The following RBPJ variants were observed in gnomAD, a reference collection of about 807,000 sequenced individuals.
RBPJ encodes recombination signal binding protein for immunoglobulin kappa J region.
RBPJ carries 9 observed loss-of-function variants against 67.8 expected under a neutral mutation model. The observed-to-expected ratio is 0.13, with a 90% confidence interval of 0.08 to 0.23. RBPJ has a LOEUF of 0.23. Among genes scored for constraint, RBPJ ranks in the 10% least tolerant of loss-of-function variants. RBPJ has a pLI of 1.00. For missense variants in RBPJ, 305 were observed against 595.6 expected, an observed-to-expected ratio of 0.51 and a Z score of 5.08; for synonymous variants, 198 against 203.3, an observed-to-expected ratio of 0.97 and a Z score of 0.22.
chr4:26,339,578 G>A (rs1230833797), intron 1 of RBPJ, among the ~76,000 whole-genome samples: 2 of 152,196 alleles, frequency 1.3e-5, no homozygotes, highest in African/African-American at 4.8e-5. Flanking sequence ...AGTTTGCAGT[G>A]AGCTGAGATC....
At chr4:26,288,936 G>T (rs899582136) in intron 1 of RBPJ, among the ~76,000 whole-genome samples, 1 of 139,458 alleles carries the variant, frequency 7.2e-6, no homozygotes, top group Middle Eastern at 3.4e-3. Context: ...TCCTTCAAAT[G>T]AGAAACTTGG....
rs1736196454 is a variant in RBPJ at position 26,431,197 on chromosome 4, AAAAAAAAAAAAAAAGAAAAAAAAATC to A, written c.*195_*220del. On this transcript the variant is annotated 3_prime_UTR_variant, in exon 11 of 11. Coordinates refer to ENST00000355476, the MANE Select transcript of RBPJ (RefSeq NM_015874.6). ...CAGAAGCCACAGTAAAAAAAAAAAA[AAAAAAAAAAAAAAAGAAAAAAAAATC>A]AAAATGTATAAATATTGGAAATCAA... 1 of 401,636 alleles carries A rather than the reference AAAAAAAAAAAAAAAGAAAAAAAAATC, an allele frequency of 2.5e-6. No individual in the cohort carries two copies. The highest frequency in any genetic ancestry group is 4.4e-6 in the Non-Finnish European group (1 of 228,688). The allele number at this position is 401,636 out of a possible 1,614,324, so 24.9% of individuals were successfully genotyped here.
intron 1 of RBPJ, among the ~76,000 whole-genome samples, chr4:26,219,091 G>T (rs1165531475): frequency 1.3e-5 from 2 of 152,148 alleles, no homozygotes; most frequent in South Asian, 2.1e-4. Flanking sequence ...TACCGTAAGA[G>T]GAAGTAAATT....
intron 2 of RBPJ, among the ~76,000 whole-genome samples, chr4:26,394,783 A>G (rs1326074019): frequency 6.6e-6 from 1 of 152,218 alleles, no homozygotes; most frequent in African/African-American, 2.4e-5. Context: ...GGAATCCTGA[A>G]GACTTCTAAA....
At chr4:26,210,718 T>C (rs1309127272) in intron 1 of RBPJ, among the ~76,000 whole-genome samples, 3 of 99,076 alleles carry the variant, frequency 3.0e-5, no homozygotes, top group Non-Finnish European at 6.3e-5. Context: ...CTTCTTTCCT[T>C]CTTTCTTTCC....
At chr4:26,191,629 C>T (rs768533143) in intron 1 of RBPJ, among the ~76,000 whole-genome samples, 3 of 152,144 alleles carry the variant, frequency 2.0e-5, no homozygotes, top group Non-Finnish European at 4.4e-5. Context: ...CTCTCCCAGC[C>T]GAGTCATGCA....
At chr4:26,255,256 G>T (rs542680384) in intron 1 of RBPJ, among the ~76,000 whole-genome samples, 2,458 of 122,812 alleles carry the variant, frequency 0.02, 64 homozygotes, top group African/African-American at 0.074. Context: ...TACAAAAAAT[G>T]AGCCGGGCGT....
chr4:26,238,919 A>G (rs1719542915), intron 1 of RBPJ, among the ~76,000 whole-genome samples: 1 of 152,136 alleles, frequency 6.6e-6, no homozygotes, highest in South Asian at 2.1e-4. Flanking sequence ...TGAGAGAGCC[A>G]CAGAGATCAA....
At chr4:26,244,357 ATG>A (rs1719823051) in intron 1 of RBPJ, among the ~76,000 whole-genome samples, 2 of 133,140 alleles carry the variant, frequency 1.5e-5, no homozygotes, top group African/African-American at 5.5e-5. Flanking sequence ...GTGTATATAT[ATG>A]TATGCACATA....
At chr4:26,410,205 G>C in intron 3 of RBPJ, 1 of 295,876 alleles carries the variant, frequency 3.4e-6, no homozygotes, top group East Asian at 1.1e-4. Context: ...CCTTTTTGAA[G>C]AGTTGCAAAG....
At chr4:26,234,849 C>T (rs1239724483) in intron 1 of RBPJ, among the ~76,000 whole-genome samples, 5 of 152,020 alleles carry the variant, frequency 3.3e-5, no homozygotes, top group African/African-American at 7.2e-5. Context: ...CATGCCACCA[C>T]GCCCAGCTAA....
At chr4:26,197,110 G>T (rs554543256) in intron 1 of RBPJ, among the ~76,000 whole-genome samples, 7 of 152,192 alleles carry the variant, frequency 4.6e-5, no homozygotes, top group Non-Finnish European at 7.4e-5. Context: ...TGTCCTGAAG[G>T]TTTAATTATA....
At chr4:26,184,794 G>C (rs1197990315) in intron 1 of RBPJ, among the ~76,000 whole-genome samples, 1 of 152,164 alleles carries the variant, frequency 6.6e-6, no homozygotes, top group Non-Finnish European at 1.5e-5. Flanking sequence ...TAGTTTGTCG[G>C]AAGGCACAGT....
intron 1 of RBPJ, among the ~76,000 whole-genome samples, chr4:26,220,246 A>T (rs1718857834): frequency 6.6e-6 from 1 of 152,228 alleles, no homozygotes. Flanking sequence ...CCTGGAGCAT[A>T]GAAATTTATA....
chr4:26,320,873 G>A (rs1330658387), upstream of RBPJ: 6 of 1,578,522 alleles, frequency 3.8e-6, no homozygotes, highest in Non-Finnish European at 5.2e-6. Flanking sequence ...GGCGCGAGGC[G>A]TCTGGCTCTT....
intron 2 of RBPJ, among the ~76,000 whole-genome samples, chr4:26,391,726 G>A (rs896673075): frequency 7.2e-5 from 11 of 152,162 alleles, no homozygotes; most frequent in African/African-American, 2.7e-4. Flanking sequence ...TTTAAAGGGT[G>A]GAAATGGTCT....
At chr4:26,217,329 C>G (rs1021260820) in intron 1 of RBPJ, among the ~76,000 whole-genome samples, 1 of 152,098 alleles carries the variant, frequency 6.6e-6, no homozygotes, top group Non-Finnish European at 1.5e-5. Flanking sequence ...CTGAACTCAC[C>G]CTGAAAATGC....
At chr4:26,401,146 G>A (rs1211104835) in intron 2 of RBPJ, among the ~76,000 whole-genome samples, 1 of 152,188 alleles carries the variant, frequency 6.6e-6, no homozygotes, top group Non-Finnish European at 1.5e-5. Context: ...CTGTCAGTTT[G>A]TGGGACTAAC....
In RBPJ at chr4:26,430,349, G is replaced by T; in HGVS notation, c.1045-70G>T. The T allele has an allele frequency of 8.0e-7, 1 of 1,257,812 alleles. No homozygotes were observed. Among genetic ancestry groups the T allele is most frequent in the South Asian group, 1.3e-5 (1 of 79,164 alleles). The allele number at this position is 1,257,812 out of a possible 1,614,324, so 77.9% of individuals were successfully genotyped here. On this transcript the variant is annotated intron_variant, in intron 9 of 10. Coordinates refer to ENST00000355476, the MANE Select transcript of RBPJ (RefSeq NM_015874.6). The surrounding 1 kb of genome is among the most constrained non-coding windows in gnomAD (Gnocchi z 4.1). ...AAAAAAACAAATGAAAGTTGAATGA[G>T]AATCTAATTTGTGTACTTTAATGAA... is the stretch of plus-strand genomic sequence containing the variant.
Sources: allele counts gnomAD v4.1 joint callset (sites outside exome capture counted in the v4.1 genomes callset), GRCh38; gene constraint gnomAD v4.1.1; non-coding constraint Gnocchi (gnomAD v3.1); transcripts MANE v1.5; gene names NCBI Gene and HGNC (gene_info 2026-07-23, HGNC 2026-07-21).